Variants in TWNK observed in about 807,000 individuals in gnomAD.
TWNK encodes the protein T7 gp4-like protein with intramitochondrial nucleoid localization.
In TWNK, 36 loss-of-function variants were observed where a neutral mutation model predicts 58.2. The ratio of observed to expected loss-of-function variants is 0.62; its 90% CI spans 0.47 to 0.82. TWNK has a LOEUF of 0.82. Among genes scored for constraint, TWNK ranks in the 40% least tolerant of loss-of-function variants. The pLI, the probability that TWNK is intolerant of heterozygous loss-of-function variation, is 0.00. For missense variants in TWNK, 714 were observed against 881.0 expected (o/e 0.81, Z 2.40); for synonymous variants, 349 against 348.5 (o/e 1.00, Z -0.02).
Position 100,987,861 on chromosome 10 carries a change from G to A in TWNK, c.-350G>A. 1.7e-6 allele frequency: 1 copy of A among 594,224 alleles called. No individual in the cohort carries two copies. Among genetic ancestry groups the A allele is most frequent in the Non-Finnish European group, 3.0e-6 (1 of 335,880 alleles). The allele number at this position is 594,224 out of a possible 1,614,324, so 36.8% of individuals were successfully genotyped here. ...ATAGAAATGAGGACGACGAGGAGATGCTGTGGAGGAGCAGTAGAGGTGAGA... is the reference window on the plus strand; with the variant it reads ...ATAGAAATGAGGACGACGAGGAGATACTGTGGAGGAGCAGTAGAGGTGAGA... On this transcript the variant is annotated 5_prime_UTR_variant, in exon 1 of 5. An upstream start codon of the reference 5' UTR is lost. Transcript: ENST00000311916.
Position 100,993,472 on chromosome 10 carries a change from A to C in TWNK, c.2017A>C (p.Thr673Pro), listed in dbSNP as rs781620751. ...NSEICSGQAP[T>P]PDQPDTSKRS... Reference sequence around the variant, plus strand: ...TGAGATTTGCTCAGGCCAGGCCCCCACTCCCGACCAGCCAGACACCTCCAA... The same window carrying C: ...TGAGATTTGCTCAGGCCAGGCCCCCCCTCCCGACCAGCCAGACACCTCCAA... The change falls in exon 5 of 5, where the codon ACT becomes CCT. Residue 673 changes from threonine (T) to proline (P), a missense_variant. Physicochemically the swap from Thr to Pro is conservative, Grantham distance 38. Transcript: ENST00000311916. 1 of 1,614,028 alleles carries C rather than the reference A, an allele frequency of 6.2e-7. No homozygotes were observed. Among genetic ancestry groups the C allele is most frequent in the South Asian group, 1.1e-5 (1 of 91,088 alleles).
At position 100,989,592 on chromosome 10, in the gene TWNK, G is replaced by A. The variant is rs1446724871; in HGVS notation, c.1244-52G>A. Reference sequence around the variant, plus strand: ...TTTTAAAGCCCTGACCTATGTCTTGGTTTCAAGGGTAGGACTTCCTCCTCA... The same window carrying A: ...TTTTAAAGCCCTGACCTATGTCTTGATTTCAAGGGTAGGACTTCCTCCTCA... On this transcript the variant is annotated intron_variant, in intron 1 of 4. Coordinates refer to ENST00000311916, the MANE Select transcript of TWNK (RefSeq NM_021830.5). The surrounding 1 kb of genome is among the most constrained non-coding windows in gnomAD (Gnocchi z 7.6). The A allele has an allele frequency of 1.4e-5, 23 of 1,612,804 alleles. No individual in the cohort carries two copies. The highest frequency in any genetic ancestry group is 1.9e-5 in the Non-Finnish European group (22 of 1,180,006).
At position 100,989,829 on chromosome 10, in the gene TWNK, C is replaced by T. The variant is rs760427334; in HGVS notation, c.1429C>T (p.Arg477Cys). The stretch of plus-strand genomic sequence containing the variant: ...GGACAAATATGATCACTGGGCTGAC[C>T]GCTTTGAGGACCTGCCCCTCTATTT... ...QLDKYDHWAD[R>C]FEDLPLYFMT... The change falls in exon 2 of 5, where the codon CGC becomes TGC. Residue 477 changes from arginine (R) to cysteine (C), a missense_variant. This residue lies in a region of TWNK where 302 missense variants were observed against 438.6 expected (regional missense o/e 0.69). Transcript: ENST00000311916. This position sits in a 1 kb window ranked among gnomAD's most constrained non-coding sequence, Gnocchi z 7.6. The T allele has an allele frequency of 8.7e-6, 14 of 1,614,064 alleles. No individual in the cohort carries two copies. The highest frequency in any genetic ancestry group is 6.6e-5 in the South Asian group (6 of 91,074).
chr10:100,989,966 A>G lies in TWNK; in HGVS notation c.1484+82A>G. 1 of 1,558,362 alleles carries G rather than the reference A, an allele frequency of 6.4e-7. No homozygotes were observed. ...AACCTTTGGTTCCTTTTCCAGCTCCAGTAGGAACTCCCCCATCTCCTTAGG... is the reference window on the plus strand; with the variant it reads ...AACCTTTGGTTCCTTTTCCAGCTCCGGTAGGAACTCCCCCATCTCCTTAGG... On this transcript the variant is annotated intron_variant, in intron 2 of 4. Coordinates refer to ENST00000311916, the MANE Select transcript of TWNK (RefSeq NM_021830.5). This position sits in a 1 kb window ranked among gnomAD's most constrained non-coding sequence, Gnocchi z 7.6.
Position 100,987,839 on chromosome 10 carries a change from G to T in TWNK, c.-372G>T. On this transcript the variant is annotated 5_prime_UTR_variant, in exon 1 of 5. An upstream open reading frame in the 5' UTR gains an earlier in-frame stop. Coordinates refer to ENST00000311916, the MANE Select transcript of TWNK (RefSeq NM_021830.5). ...TACAAAAAGGATGCAGATGACTATA[G>T]AAATGAGGACGACGAGGAGATGCTG... 1.7e-6 allele frequency: 1 copy of T among 595,074 alleles called. No homozygotes were observed. 36.9% of individuals were successfully genotyped at this position (595,074 alleles called of 1,614,324 possible).
rs182559752 is a variant in TWNK, at chr10:100,993,500, G to A, written c.2045G>A (p.Arg682His). The change falls in exon 5 of 5, where the codon CGT becomes CAT. Residue 682 changes from arginine (R) to histidine (H), a missense_variant. By Grantham distance (29) the Arg-to-His change is conservative. Around this residue, in one of 3 missense-constraint regions of TWNK, gnomAD observed 64 missense variants for 54.0 expected, o/e 1.19. Transcript: ENST00000311916. ...CCCGACCAGCCAGACACCTCCAAGC[G>A]TTCAAAGTGAAGGCCGTGCAGAGCT... ...PTPDQPDTSK[R>H]SK 5.6e-4 allele frequency: 911 copies of A among 1,614,100 alleles called. No homozygotes were observed. Among genetic ancestry groups the A allele is most frequent in the Admixed American group, 2.7e-3 (165 of 60,022 alleles).
Position 100,989,745 on chromosome 10 carries a change from G to A in TWNK, c.1345G>A (p.Val449Met), listed in dbSNP as rs755002219. The change falls in exon 2 of 5, where the codon GTG (valine) becomes ATG (methionine). Residue 449 changes from valine (V) to methionine (M), a missense_variant. This residue lies in a region of TWNK where 302 missense variants were observed against 438.6 expected (regional missense o/e 0.69). Transcript: ENST00000311916. This position sits in a 1 kb window ranked among gnomAD's most constrained non-coding sequence, Gnocchi z 7.6. ...TLWGSFEISNVRLARVMLTQF... is the reference protein window; with the variant it reads ...TLWGSFEISNMRLARVMLTQF... Reference sequence around the variant, plus strand: ...GTGGGGTAGCTTCGAGATCAGCAATGTGAGACTAGCCCGGGTCATGCTGAC... The same window carrying A: ...GTGGGGTAGCTTCGAGATCAGCAATATGAGACTAGCCCGGGTCATGCTGAC... 1 of 1,614,232 alleles carries A rather than the reference G, an allele frequency of 6.2e-7. No individual in the cohort carries two copies. The highest frequency in any genetic ancestry group is 1.1e-5 in the South Asian group (1 of 91,092).
In TWNK at chr10:100,989,491, C is replaced by A. The variant is rs771400291; in HGVS notation, c.1243+38C>A. ...GAAATCACTACTTAGAGTAAAGGGG[C>A]AGAAGATCAGGTGACAAAAGCAAGT... On this transcript the variant is annotated intron_variant, in intron 1 of 4. Coordinates refer to ENST00000311916, the MANE Select transcript of TWNK (RefSeq NM_021830.5). This position sits in a 1 kb window ranked among gnomAD's most constrained non-coding sequence, Gnocchi z 7.6. 3.7e-6 allele frequency: 6 copies of A among 1,611,386 alleles called. No homozygotes were observed. Among genetic ancestry groups the A allele is most frequent in the Non-Finnish European group, 5.1e-6 (6 of 1,179,530 alleles).
Position 100,988,080 on chromosome 10 carries a change from A to T in TWNK, c.-131A>T. On this transcript the variant is annotated 5_prime_UTR_variant, in exon 1 of 5. Transcript: ENST00000311916. This position sits in a 1 kb window ranked among gnomAD's most constrained non-coding sequence, Gnocchi z 5.2. ...GGGGCTGAAGAGGAGAAATTCATGG[A>T]GAGAAAGAATGCACCTAGAGTGAGC... 9.4e-7 allele frequency: 1 copy of T among 1,061,042 alleles called. No homozygotes were observed. Among genetic ancestry groups the T allele is most frequent in the Non-Finnish European group, 1.5e-6 (1 of 683,902 alleles). 65.7% of individuals were successfully genotyped at this position (1,061,042 alleles called of 1,614,324 possible).
intron 4 of TWNK, among the ~76,000 whole-genome samples, chr10:100,992,880 G>A (rs1423846370): frequency 2.6e-5 from 4 of 151,726 alleles, no homozygotes; most frequent in South Asian, 2.1e-4. Context: ...TCCGCCTCCC[G>A]GATTCAAGCG....
At chr10:100,990,205 C>T (rs1178377317) in intron 2 of TWNK, among the ~76,000 whole-genome samples, 2 of 152,140 alleles carry the variant, frequency 1.3e-5, no homozygotes, top group African/African-American at 4.8e-5. Flanking sequence ...CCCAGCTACT[C>T]AAGAAGCTAA....
Position 100,988,548 on chromosome 10 carries a change from G to T in TWNK, c.338G>T (p.Cys113Phe). 1 of 1,614,128 alleles carries T rather than the reference G, an allele frequency of 6.2e-7. No individual in the cohort carries two copies. ...GACAAGACCACAGGCCACTTTCTCTGCATGACCAGCCTAGCAGAAGGGAGC... is the reference window on the plus strand; with the variant it reads ...GACAAGACCACAGGCCACTTTCTCTTCATGACCAGCCTAGCAGAAGGGAGC... ...FIDKTTGHFLCMTSLAEGSWE... is the reference protein window; with the variant it reads ...FIDKTTGHFLFMTSLAEGSWE... Residue 113 changes from cysteine to phenylalanine, a missense_variant, in exon 1 of 5, where the codon TGC becomes TTC. Cys to Phe is a radical substitution (Grantham distance 205). Transcript: ENST00000311916. The surrounding 1 kb of genome is among the most constrained non-coding windows in gnomAD (Gnocchi z 5.2).
rs886043754 is a variant in TWNK at position 100,989,071 on chromosome 10, G to A, written c.861G>A (p.Thr287=). 20 of 1,613,968 alleles carry A rather than the reference G, an allele frequency of 1.2e-5. No homozygotes were observed. Among genetic ancestry groups the A allele is most frequent in the Admixed American group, 1.7e-5 (1 of 60,010 alleles). Residue 287 remains threonine, a synonymous_variant, in exon 1 of 5, where the codon ACG becomes ACA. Coordinates refer to ENST00000311916, the MANE Select transcript of TWNK (RefSeq NM_021830.5). This position sits in a 1 kb window ranked among gnomAD's most constrained non-coding sequence, Gnocchi z 7.6. Reference sequence around the variant, plus strand: ...CTACCCTTACTCTACCCCGAGGAACGACCTGCTTACCCCCTGCCTTACTCC... The same window carrying A: ...CTACCCTTACTCTACCCCGAGGAACAACCTGCTTACCCCCTGCCTTACTCC... ...GLPTLTLPRG[T]TCLPPALLPY... is the part of the protein sequence containing the mutation.
chr10:100,989,413 C>T lies in TWNK; in HGVS notation c.1203C>T (p.Ile401=). 3 of 1,614,198 alleles carry T rather than the reference C, an allele frequency of 1.9e-6. No individual in the cohort carries two copies. The highest frequency in any genetic ancestry group is 1.6e-4 in the Middle Eastern group (1 of 6,062). The change falls in exon 1 of 5, where the codon ATC becomes ATT. Residue 401 remains isoleucine (I), a synonymous_variant. Transcript: ENST00000311916. The surrounding 1 kb of genome is among the most constrained non-coding windows in gnomAD (Gnocchi z 7.6). Reference sequence around the variant, plus strand: ...GCCGCTTTCCAGACCTCAATCGTATCTTGAAGGGACATCGAAAGGGCGAGC... The same window carrying T: ...GCCGCTTTCCAGACCTCAATCGTATTTTGAAGGGACATCGAAAGGGCGAGC... The part of the protein sequence containing the change: ...RWSRFPDLNR[I]LKGHRKGELT...
At chr10:100,990,746 T>G in intron 3 of TWNK, 123 bp from the exon 4 acceptor site, 1 of 1,566,460 alleles carries the variant, frequency 6.4e-7, no homozygotes, top group Non-Finnish European at 8.8e-7. Flanking sequence ...GTGTGAGTCC[T>G]TGGGTAGAGG....
chr10:100,991,087 C>G lies in TWNK; in HGVS notation c.1734+77C>G. ...TGACCAGGGACAGCCCTCATTCAGC[C>G]TTAATCGTCTTGACTGTCCATCCGA... On this transcript the variant is annotated intron_variant, in intron 4 of 4. Transcript: ENST00000311916. 4 of 1,602,462 alleles carry G rather than the reference C, an allele frequency of 2.5e-6. No individual in the cohort carries two copies. The South Asian group carries it at 4.4e-5, about 18-fold the overall frequency.
In TWNK at chr10:100,989,787, C is replaced by G. The variant is rs386834146; in HGVS notation, c.1387C>G (p.Arg463Gly). ...CATGCTGACACAGTTTGCCGAGGGG[C>G]GGCTGGAAGATCAACTGGACAAATA... The part of the protein sequence containing the change: ...RVMLTQFAEG[R>G]LEDQLDKYDH... The change falls in exon 2 of 5, where the codon CGG (arginine) becomes GGG (glycine). Residue 463 changes from arginine to glycine, a missense_variant. Coordinates refer to ENST00000311916, the MANE Select transcript of TWNK (RefSeq NM_021830.5). The surrounding 1 kb of genome is among the most constrained non-coding windows in gnomAD (Gnocchi z 7.6). The G allele has an allele frequency of 1.9e-6, 3 of 1,614,062 alleles. No individual in the cohort carries two copies. The highest frequency in any genetic ancestry group is 3.3e-5 in the Admixed American group (2 of 60,008).
At chr10:100,992,563 C>T (rs1851812270) in intron 4 of TWNK, among the ~76,000 whole-genome samples, 1 of 145,928 alleles carries the variant, frequency 6.9e-6, no homozygotes, top group South Asian at 2.2e-4. Context: ...AGAATGGTCT[C>T]CTTCATGAGA....
intron 4 of TWNK, chr10:100,991,315 A>G (rs546423457): frequency 1.1e-3 from 473 of 444,980 alleles, no homozygotes; most frequent in Middle Eastern, 7.7e-3. Flanking sequence ...AAGAGAAAAG[A>G]TGTCTGAGTC....
Sources: allele counts gnomAD v4.1 joint callset (sites outside exome capture counted in the v4.1 genomes callset), GRCh38; gene constraint gnomAD v4.1.1; regional missense constraint gnomAD v4.1.1; non-coding constraint Gnocchi (gnomAD v3.1); transcripts MANE v1.5; gene names NCBI Gene and HGNC (gene_info 2026-07-23, HGNC 2026-07-21).